The following PHKA2 variants were observed in gnomAD, a reference collection of about 807,000 sequenced individuals.
The protein encoded by PHKA2 is phosphorylase kinase regulatory subunit alpha 2.
A neutral mutation model predicts 102.0 loss-of-function variants in PHKA2; 31 were observed. The observed-to-expected ratio is 0.30, with a 90% confidence interval of 0.23 to 0.41. The LOEUF (loss-of-function observed/expected upper bound fraction) is 0.41. Ranked by LOEUF, PHKA2 falls within the 10% of genes least tolerant of loss-of-function variation. The probability of loss-of-function intolerance (pLI) is 1.00; values close to 1 mark genes in which losing one functional copy is unlikely to be tolerated. For missense variants in PHKA2, 858 were observed against 1,023.1 expected, an observed-to-expected ratio of 0.84 and a Z score of 2.20; for synonymous variants, 455 against 416.2, an observed-to-expected ratio of 1.09 and a Z score of -1.13.
intron 31 of PHKA2, chrX:18,894,804 G>GAAAA: frequency 2.6e-6 from 1 of 389,597 alleles, no homozygotes; most frequent in Admixed American, 4.4e-5. Context: ...TTTAGTTGGA[G>GAAAA]AAAAGGGCCG....
Position 18,911,228 on chromosome X carries a change from C to T in PHKA2, c.2138-268G>A, listed in dbSNP as rs112564782. Among the ~76,000 whole-genome samples the T allele has an allele frequency of 1.5e-3, 162 of 105,173 alleles. 1 individual carries two copies. Among genetic ancestry groups the T allele is most frequent in the Middle Eastern group, 4.8e-3 (1 of 210 alleles). 91.3% of individuals were successfully genotyped at this position (105,173 alleles called of 115,157 possible). A position where few individuals can be genotyped will look rare whatever the true frequency, so the allele number is the denominator to read the frequency against. ...CCCTCTTGTTGCTCAGGTTGGAGTG[C>T]GATGGCGAGATCTTGGCTCACCGCA... is the stretch of plus-strand genomic sequence containing the variant. On this transcript the variant is annotated intron_variant, in intron 19 of 32. Coordinates refer to ENST00000379942, the MANE Select transcript of PHKA2 (RefSeq NM_000292.3).
chrX:18,910,748 G>A lies in PHKA2; in HGVS notation c.2226+124C>T, dbSNP rs1028707198. ...CACCCAAGCCCAGAGCTTCTAAACT[G>A]AAAGGTCCCTGATATCGAGAAATAT... On this transcript the variant is annotated intron_variant, in intron 20 of 32. Transcript: ENST00000379942. The A allele has an allele frequency of 1.9e-4, 87 of 461,294 alleles. No individual in the cohort carries two copies. In the Admixed American group the frequency reaches 2.2e-3, roughly 12 times the overall value. 38.0% of individuals were successfully genotyped at this position (461,294 alleles called of 1,213,427 possible). A position where few individuals can be genotyped will look rare whatever the true frequency, so the allele number is the denominator to read the frequency against.
intron 17 of PHKA2, among the ~76,000 whole-genome samples, chrX:18,922,147 G>A (rs1034962203): frequency 4.5e-5 from 5 of 111,439 alleles, no homozygotes; most frequent in African/African-American, 1.3e-4. Flanking sequence ...CTGGGAGGCC[G>A]AGGCAGGAGA....
At chrX:18,901,462 C>T (rs768482349) in intron 27 of PHKA2, 23 bp downstream of exon 27, 32 of 998,583 alleles carry the variant, frequency 3.2e-5, no homozygotes, top group Admixed American at 1.8e-4. Context: ...ACTCATCCCT[C>T]GCTGCCACTG....
chrX:18,960,502 T>C (rs142134619), intron 1 of PHKA2, among the ~76,000 whole-genome samples: 64 of 111,696 alleles, frequency 5.7e-4, no homozygotes, highest in African/African-American at 1.9e-3. Context: ...GCACTTCACA[T>C]GGTGAGAGCA....
At position 18,957,738 on chromosome X, in the gene PHKA2, TTA is replaced by T. The variant is rs748964864; in HGVS notation, c.79-3328_79-3327del. Among the ~76,000 whole-genome samples, 125 of 94,989 alleles carry T rather than the reference TTA, an allele frequency of 1.3e-3. 2 individuals carry two copies. Among genetic ancestry groups the T allele is most frequent in the African/African-American group, 2.0e-3 (46 of 22,755 alleles). 82.5% of individuals were successfully genotyped at this position (94,989 alleles called of 115,157 possible). On this transcript the variant is annotated intron_variant, in intron 1 of 32. Coordinates refer to ENST00000379942, the MANE Select transcript of PHKA2 (RefSeq NM_000292.3). The stretch of plus-strand genomic sequence containing the variant: ...TTTCCTATGTGTTACTAAAACCAGA[TTA>T]TATATATATATATATATATAATTGT...
In PHKA2 at chrX:18,894,270, G is replaced by T; in HGVS notation, c.3471C>A (p.Ser1157Arg). ...GGTCCACGTGGATGATGCCCCCGATGCTGGTCATCTCCGTGTCCGAGAGCA... is the reference window on the plus strand; with the variant it reads ...GGTCCACGTGGATGATGCCCCCGATTCTGGTCATCTCCGTGTCCGAGAGCA... ...LTLLSDTEMTSIGGIIHVDQI... is the reference protein window; with the variant it reads ...LTLLSDTEMTRIGGIIHVDQI... Residue 1157 changes from serine (S) to arginine (R), a missense_variant, in exon 32 of 33, where the codon AGC (serine) becomes AGA (arginine). Physicochemically the swap from Ser to Arg is moderately radical, Grantham distance 110. Coordinates refer to ENST00000379942, the MANE Select transcript of PHKA2 (RefSeq NM_000292.3). The T allele has an allele frequency of 8.3e-7, 1 of 1,211,687 alleles. No individual in the cohort carries two copies. The highest frequency in any genetic ancestry group is 1.1e-6 in the Non-Finnish European group (1 of 895,315).
intron 26 of PHKA2, among the ~76,000 whole-genome samples, chrX:18,904,685 C>T (rs2047771271): frequency 8.9e-6 from 1 of 112,110 alleles, no homozygotes; most frequent in Non-Finnish European, 1.9e-5. Flanking sequence ...ACCACCAAAA[C>T]ACATCTGACT....
intron 9 of PHKA2, among the ~76,000 whole-genome samples, chrX:18,939,219 A>G (rs929783641): frequency 1.8e-5 from 2 of 111,882 alleles, no homozygotes; most frequent in Non-Finnish European, 3.8e-5. Context: ...TCTGTCACCC[A>G]GGCTGTAGTA....
chrX:18,969,839 A>G (rs2048996863), intron 1 of PHKA2, among the ~76,000 whole-genome samples: 2 of 112,422 alleles, frequency 1.8e-5, no homozygotes, highest in African/African-American at 6.5e-5. Context: ...GTCCATAAGC[A>G]AGATATAACC....
chrX:18,975,870 G>A (rs1463377120), intron 1 of PHKA2, among the ~76,000 whole-genome samples: 1 of 109,606 alleles, frequency 9.1e-6, no homozygotes, highest in Non-Finnish European at 1.9e-5. Context: ...AGCCAATGGA[G>A]TGACTCTTTT....
At chrX:18,902,937 A>C (rs2047724873) in intron 26 of PHKA2, 1 of 112,238 alleles carries the variant, frequency 8.9e-6, no homozygotes, top group African/African-American at 3.2e-5. Flanking sequence ...ATAAATAAAT[A>C]AACAAAAATT....
Position 18,924,375 on chromosome X carries a change from A to G in PHKA2, c.1714+6T>C. 2 of 1,210,401 alleles carry G rather than the reference A, an allele frequency of 1.7e-6. No individual in the cohort carries two copies. Among genetic ancestry groups the G allele is most frequent in the Non-Finnish European group, 2.2e-6 (2 of 894,856 alleles). On this transcript the variant is annotated splice_donor_region_variant and intron_variant, in intron 16 of 32. Transcript: ENST00000379942. ...GGAGGGAGCCTGCTGAAATCCCTGGAGTTACTGAGCATGGTGCGACTGATG... is the reference window on the plus strand; with the variant it reads ...GGAGGGAGCCTGCTGAAATCCCTGGGGTTACTGAGCATGGTGCGACTGATG...
Position 18,951,179 on chromosome X carries a change from C to T in PHKA2, c.379G>A (p.Asp127Asn), listed in dbSNP as rs769288604. The T allele has an allele frequency of 8.3e-7, 1 of 1,210,850 alleles. No individual in the cohort carries two copies. Among genetic ancestry groups the T allele is most frequent in the South Asian group, 1.8e-5 (1 of 56,982 alleles). Residue 127 changes from aspartate to asparagine, a missense_variant, in exon 4 of 33, where the codon GAC becomes AAC. By Grantham distance (23) the Asp-to-Asn change is conservative (BLOSUM62 1). This residue lies in a region of PHKA2 where 187 missense variants were observed against 277.9 expected (regional missense o/e 0.67). Transcript: ENST00000379942. ...NTATCGTVVG[D>N]DQWGHLQVDA... The stretch of plus-strand genomic sequence containing the variant: ...ACCTGGAGGTGGCCCCACTGGTCGT[C>T]GCCCACCACCGTGCCACAGGTGGCG...
intron 4 of PHKA2, among the ~76,000 whole-genome samples, chrX:18,950,297 C>G (rs2048658719): frequency 8.9e-6 from 1 of 111,893 alleles, no homozygotes; most frequent in Non-Finnish European, 1.9e-5. Context: ...AGAGGGTGAC[C>G]AGGGTAGTGA....
In PHKA2 at chrX:18,906,009, A is replaced by C. The variant is rs2047804625; in HGVS notation, c.2807-150T>G. ...GAACCTCACTATTGCTTTGGGGCTGAAATGCACTGTTCCGTGGGGATTCTA... is the reference window on the plus strand; with the variant it reads ...GAACCTCACTATTGCTTTGGGGCTGCAATGCACTGTTCCGTGGGGATTCTA... On this transcript the variant is annotated intron_variant, in intron 25 of 32. Coordinates refer to ENST00000379942, the MANE Select transcript of PHKA2 (RefSeq NM_000292.3). 6.0e-6 allele frequency: 3 copies of C among 497,686 alleles called. No individual in the cohort carries two copies. The African/African-American group carries it at 7.0e-5, about 12-fold the overall frequency. The allele number at this position is 497,686 out of a possible 1,213,427, so 41.0% of individuals were successfully genotyped here.
Position 18,909,031 on chromosome X carries a change from T to C in PHKA2, c.2227-97A>G, listed in dbSNP as rs1041870462. The C allele has an allele frequency of 9.6e-5, 99 of 1,032,960 alleles. No homozygotes were observed. In the East Asian group the frequency reaches 2.9e-3, roughly 31 times the overall value. The allele number at this position is 1,032,960 out of a possible 1,213,427, so 85.1% of individuals were successfully genotyped here. On this transcript the variant is annotated intron_variant, in intron 20 of 32. Coordinates refer to ENST00000379942, the MANE Select transcript of PHKA2 (RefSeq NM_000292.3). Reference sequence around the variant, plus strand: ...CACCAATCTGGTCTTGGAACTCTATTGCTGTGCTGTGCTCCAGTTTTCAAT... The same window carrying C: ...CACCAATCTGGTCTTGGAACTCTATCGCTGTGCTGTGCTCCAGTTTTCAAT...
At chrX:18,909,556 A>G (rs1438197226) in intron 20 of PHKA2, among the ~76,000 whole-genome samples, 1 of 112,047 alleles carries the variant, frequency 8.9e-6, no homozygotes, top group African/African-American at 3.2e-5. Context: ...CTGTATAAAT[A>G]CACTTACCCA....
In PHKA2 at chrX:18,893,632, G is replaced by T. The variant is rs377355086; in HGVS notation, c.3561C>A (p.Thr1187=). 9.9e-6 allele frequency: 12 copies of T among 1,209,952 alleles called. No homozygotes were observed. The African/African-American group carries it at 1.9e-4, about 19-fold the overall frequency. ...TTCCTGTGGCTTGGTCTTTCTCCAG[G>T]GTGTCCATGGCACCAATTGACACCT... ...QDQVSIGAMD[T]LEKDQATGIC... Residue 1187 remains threonine (T), a synonymous_variant, in exon 33 of 33, where the codon ACC becomes ACA. Coordinates refer to ENST00000379942, the MANE Select transcript of PHKA2 (RefSeq NM_000292.3).
Sources: allele counts gnomAD v4.1 joint callset (sites outside exome capture counted in the v4.1 genomes callset), GRCh38; gene constraint gnomAD v4.1.1; regional missense constraint gnomAD v4.1.1; transcripts MANE v1.5; gene names NCBI Gene and HGNC (gene_info 2026-07-23, HGNC 2026-07-21).